CTTNBP2: variants seen among roughly 807,000 people sequenced by gnomAD.
The protein encoded by CTTNBP2 is cortactin binding protein 2, also known as cortactin-binding protein 2.
A neutral mutation model predicts 156.9 loss-of-function variants in CTTNBP2; 108 were observed. That is an observed-to-expected ratio of 0.69 (90% confidence interval 0.59 to 0.81). The LOEUF (loss-of-function observed/expected upper bound fraction) is 0.81. Among genes scored for constraint, CTTNBP2 ranks in the 30% least tolerant of loss-of-function variants. CTTNBP2 has a pLI of 0.00. For missense variants in CTTNBP2, 1,924 were observed against 2,035.4 expected (o/e 0.95, Z 1.05); for synonymous variants, 767 against 751.8 (o/e 1.02, Z -0.33).
intron 8 of CTTNBP2, among the ~76,000 whole-genome samples, chr7:117,769,378 G>A (rs1797688648): frequency 2.0e-5 from 3 of 152,178 alleles, no homozygotes; most frequent in African/African-American, 7.2e-5. Context: ...AGGAAACTGG[G>A]CCTTGGGTTT....
chr7:117,776,664 T>C (rs1798119242), intron 8 of CTTNBP2, among the ~76,000 whole-genome samples: 1 of 152,230 alleles, frequency 6.6e-6, no homozygotes, highest in Non-Finnish European at 1.5e-5. Flanking sequence ...TCCTCCAGAA[T>C]GGGCCATGCC....
chr7:117,846,707 C>T (rs1802604926), intron 2 of CTTNBP2, among the ~76,000 whole-genome samples: 1 of 152,144 alleles, frequency 6.6e-6, no homozygotes, highest in Non-Finnish European at 1.5e-5. Context: ...ACTCAACTCT[C>T]ATAATTATAA....
intron 2 of CTTNBP2, among the ~76,000 whole-genome samples, chr7:117,818,147 C>T (rs1370520553): frequency 7.2e-5 from 11 of 152,108 alleles, no homozygotes; most frequent in African/African-American, 2.2e-4. Flanking sequence ...TTATTACTGA[C>T]CATATACTAA....
In CTTNBP2 at chr7:117,792,469, C is replaced by T. The variant is rs1269158937; in HGVS notation, c.727G>A (p.Ala243Thr). The T allele has an allele frequency of 6.2e-7, 1 of 1,614,186 alleles. No homozygotes were observed. Among genetic ancestry groups the T allele is most frequent in the Admixed American group, 1.7e-5 (1 of 60,028 alleles). The change falls in exon 4 of 23, where the codon GCC becomes ACC. Residue 243 changes from alanine (A) to threonine (T), a missense_variant. Coordinates refer to ENST00000160373, the MANE Select transcript of CTTNBP2 (RefSeq NM_033427.3). This position sits in a 1 kb window ranked among gnomAD's most constrained non-coding sequence, Gnocchi z 4.2. ...EFDTEREQLRAKLNREEAHTT... is the reference protein window; with the variant it reads ...EFDTEREQLRTKLNREEAHTT... Reference sequence around the variant, plus strand: ...TGTGCTTCTTCCCGGTTCAGCTTGGCACGAAGCTGTTCCCGCTCAGTGTCA... The same window carrying T: ...TGTGCTTCTTCCCGGTTCAGCTTGGTACGAAGCTGTTCCCGCTCAGTGTCA...
At chr7:117,855,781 G>A (rs1199020724) in intron 2 of CTTNBP2, among the ~76,000 whole-genome samples, 1 of 152,174 alleles carries the variant, frequency 6.6e-6, no homozygotes, top group Non-Finnish European at 1.5e-5. Flanking sequence ...AACATACTGA[G>A]TCACGGTCTG....
intron 21 of CTTNBP2, 105 bp downstream of exon 21, chr7:117,719,399 T>C: frequency 9.4e-7 from 1 of 1,068,552 alleles, no homozygotes; most frequent in Non-Finnish European, 1.3e-6. Context: ...TTTGGATCAT[T>C]AACCATACTA....
chr7:117,873,089 G>A (rs1170277607), intron 1 of CTTNBP2, among the ~76,000 whole-genome samples: 2 of 152,202 alleles, frequency 1.3e-5, no homozygotes, highest in African/African-American at 2.4e-5. Context: ...CGGGCGACCC[G>A]GGGCCGCTTC....
intron 3 of CTTNBP2, among the ~76,000 whole-genome samples, chr7:117,808,460 A>G (rs1051381617): frequency 4.6e-5 from 7 of 152,178 alleles, no homozygotes; most frequent in African/African-American, 1.7e-4. Context: ...CCTGGCACAC[A>G]AATTACCAAA....
chr7:117,761,227 T>C (rs530414101), intron 9 of CTTNBP2, among the ~76,000 whole-genome samples: 5 of 152,322 alleles, frequency 3.3e-5, no homozygotes, highest in East Asian at 1.9e-4. Flanking sequence ...ATTTCTTCCA[T>C]AAAATGGAGG....
chr7:117,742,312 G>A (rs1796061726), intron 14 of CTTNBP2, among the ~76,000 whole-genome samples: 1 of 152,202 alleles, frequency 6.6e-6, no homozygotes, highest in Non-Finnish European at 1.5e-5. Flanking sequence ...ACTACAGCAT[G>A]AGCAAAGACA....
At chr7:117,756,763 C>T (rs915596926) in intron 11 of CTTNBP2, 129 bp from the exon 12 acceptor site, 10 of 700,736 alleles carry the variant, frequency 1.4e-5, no homozygotes, top group African/African-American at 1.4e-4. Flanking sequence ...GACATTTGGC[C>T]AGGAGGCACC....
intron 16 of CTTNBP2, among the ~76,000 whole-genome samples, chr7:117,728,486 G>T (rs777592396): frequency 6.6e-6 from 1 of 152,142 alleles, no homozygotes; most frequent in Non-Finnish European, 1.5e-5. Context: ...CTCACCATGA[G>T]CCTGAGTTAG....
chr7:117,738,021 T>C (rs1319871930), intron 14 of CTTNBP2, among the ~76,000 whole-genome samples: 2 of 152,228 alleles, frequency 1.3e-5, no homozygotes, highest in Non-Finnish European at 2.9e-5. Context: ...CTGATCCATA[T>C]AGCAAGTCGG....
At chr7:117,740,830 A>T (rs1795969082) in intron 14 of CTTNBP2, among the ~76,000 whole-genome samples, 1 of 152,068 alleles carries the variant, frequency 6.6e-6, no homozygotes, top group Non-Finnish European at 1.5e-5. Context: ...GTTCCCCTGC[A>T]CTGCTCTGAA....
intron 2 of CTTNBP2, among the ~76,000 whole-genome samples, chr7:117,824,783 T>C (rs1801180330): frequency 6.6e-6 from 1 of 152,236 alleles, no homozygotes; most frequent in Admixed American, 6.5e-5. Flanking sequence ...CTTCAACGCC[T>C]AGGTTTCTTC....
intron 20 of CTTNBP2, among the ~76,000 whole-genome samples, chr7:117,720,372 G>A (rs1794714661): frequency 6.6e-6 from 1 of 152,128 alleles, no homozygotes; most frequent in Non-Finnish European, 1.5e-5. Context: ...AGCTGAAATA[G>A]TCTATTTCTT....
chr7:117,748,283 G>A (rs930624506), intron 12 of CTTNBP2, among the ~76,000 whole-genome samples: 1 of 152,140 alleles, frequency 6.6e-6, no homozygotes, highest in African/African-American at 2.4e-5. Flanking sequence ...AAAAAATGCT[G>A]CCCAGATATG....
intron 7 of CTTNBP2, among the ~76,000 whole-genome samples, 198 bp from the exon 8 acceptor site, chr7:117,777,963 C>T (rs775769869): frequency 6.6e-6 from 1 of 152,162 alleles, no homozygotes; most frequent in Non-Finnish European, 1.5e-5. Flanking sequence ...TTTCCAACTG[C>T]TGTGACTCAT....
At chr7:117,744,282 C>A in intron 14 of CTTNBP2, among the ~76,000 whole-genome samples, 1 of 150,552 alleles carries the variant, frequency 6.6e-6, no homozygotes, top group South Asian at 2.1e-4. Flanking sequence ...TTCATTCTTT[C>A]TATTTTTTCA....
Sources: allele counts gnomAD v4.1 joint callset (sites outside exome capture counted in the v4.1 genomes callset), GRCh38; gene constraint gnomAD v4.1.1; non-coding constraint Gnocchi (gnomAD v3.1); transcripts MANE v1.5; gene names NCBI Gene and HGNC (gene_info 2026-07-23, HGNC 2026-07-21).